Variants in PRRX2 observed in about 807,000 individuals in gnomAD.
PRRX2 encodes the protein paired mesoderm homeobox protein 2.
In PRRX2, 11 loss-of-function variants were observed where a neutral mutation model predicts 18.0. The observed-to-expected ratio is 0.61, with a 90% CI of 0.39 to 1.01. The LOEUF (loss-of-function observed/expected upper bound fraction) is 1.01. Among genes scored for constraint, PRRX2 ranks in the 50% least tolerant of loss-of-function variants. PRRX2 has a pLI of 0.01. For missense variants in PRRX2, 387 were observed against 351.0 expected, an observed-to-expected ratio of 1.10 and a Z score of -0.82; for synonymous variants, 177 against 154.8, an observed-to-expected ratio of 1.14 and a Z score of -1.06.
intron 1 of PRRX2, among the ~76,000 whole-genome samples, chr9:129,712,645 C>G (rs1832640667): frequency 6.6e-6 from 1 of 152,168 alleles, no homozygotes; most frequent in African/African-American, 2.4e-5. Flanking sequence ...AAGGAGGAGA[C>G]AGCGCGAGAC....
chr9:129,720,472 A>T, intron 2 of PRRX2, 124 bp from the exon 3 acceptor site: 1 of 880,486 alleles, frequency 1.1e-6, no homozygotes, highest in Non-Finnish European at 1.7e-6. Flanking sequence ...AGATGAAAAA[A>T]CTGAGGGTCA....
At chr9:129,701,205 C>G (rs1832491472) in intron 1 of PRRX2, among the ~76,000 whole-genome samples, 1 of 152,248 alleles carries the variant, frequency 6.6e-6, no homozygotes, top group African/African-American at 2.4e-5. Context: ...AGATAGGAAA[C>G]AGAGCAGAGG....
chr9:129,720,281 C>A lies in PRRX2; in HGVS notation c.448-315C>A, dbSNP rs2909201. On this transcript the variant is annotated intron_variant, in intron 2 of 3. Coordinates refer to ENST00000372469, the MANE Select transcript of PRRX2 (RefSeq NM_016307.4). ...GAGTGCTCAGCAAGCGCCTCTCCCC[C>A]CGAGTGCTCAGCAAGCGCCTTTCCC... 4.7e-5 allele frequency among the ~76,000 whole-genome samples: 7 copies of A among 148,778 alleles called. No homozygotes were observed. In the South Asian group the frequency reaches 1.1e-3, roughly 23 times the overall value.
chr9:129,720,875 T>C, intron 3 of PRRX2, 101 bp downstream of exon 3: 2 of 1,289,456 alleles, frequency 1.6e-6, no homozygotes, highest in East Asian at 2.8e-5. Context: ...AGAGCTTGAA[T>C]GGTGTCCACG....
Position 129,671,272 on chromosome 9 carries a change from A to G in PRRX2, c.259+5146A>G, listed in dbSNP as rs1226511250. Among the ~76,000 whole-genome samples, 3 of 152,068 alleles carry G rather than the reference A, an allele frequency of 2.0e-5. No individual in the cohort carries two copies. The highest frequency in any genetic ancestry group is 4.4e-5 in the Non-Finnish European group (3 of 67,986). ...TGCCCAGGGGGCCTTCCGTTTGGGA[A>G]CTGCTGGGCCTCCCAGCGTGGCTAG... On this transcript the variant is annotated intron_variant, in intron 1 of 3. Transcript: ENST00000372469. This position sits in a 1 kb window ranked among gnomAD's most constrained non-coding sequence, Gnocchi z 4.0.
chr9:129,706,506 T>G (rs1832559156), intron 1 of PRRX2, among the ~76,000 whole-genome samples: 1 of 151,326 alleles, frequency 6.6e-6, no homozygotes. Context: ...GAGGTTGCAG[T>G]GGGCCAAGTT....
At chr9:129,684,481 A>AAC (rs1832274637) in intron 1 of PRRX2, among the ~76,000 whole-genome samples, 4 of 75,086 alleles carry the variant, frequency 5.3e-5, no homozygotes, top group African/African-American at 1.9e-4. Context: ...GATACCAGAA[A>AAC]TCACACACAC....
chr9:129,694,240 G>A (rs1832394305), intron 1 of PRRX2, among the ~76,000 whole-genome samples: 1 of 152,198 alleles, frequency 6.6e-6, no homozygotes, highest in Non-Finnish European at 1.5e-5. Context: ...CTGGCTCACT[G>A]CAACCTCTGC....
chr9:129,673,421 C>T (rs908569725), intron 1 of PRRX2, among the ~76,000 whole-genome samples: 3 of 152,166 alleles, frequency 2.0e-5, no homozygotes, highest in African/African-American at 7.2e-5. Context: ...TACACCACTG[C>T]ACTCCAGCCT....
At position 129,715,750 on chromosome 9, in the gene PRRX2, T is replaced by TCTCACACA. The variant is rs762929485; in HGVS notation, c.260-3480_260-3479insTCACACAC. ...AAACCCAGCTTCAGGGACATCTTTC[T>TCTCACACA]CACACACACACACACACACACACAC... On this transcript the variant is annotated intron_variant, in intron 1 of 3. Transcript: ENST00000372469. This position sits in a 1 kb window ranked among gnomAD's most constrained non-coding sequence, Gnocchi z 4.0. 2.9e-5 allele frequency among the ~76,000 whole-genome samples: 4 copies of TCTCACACA among 138,952 alleles called. No individual in the cohort carries two copies. Among genetic ancestry groups the TCTCACACA allele is most frequent in the Admixed American group, 7.3e-5 (1 of 13,684 alleles). 91.2% of individuals were successfully genotyped at this position (138,952 alleles called of 152,430 possible).
At chr9:129,699,088 G>A (rs1259652229) in intron 1 of PRRX2, among the ~76,000 whole-genome samples, 1 of 152,218 alleles carries the variant, frequency 6.6e-6, no homozygotes, top group Non-Finnish European at 1.5e-5. Flanking sequence ...CCCTGTGGGA[G>A]GTGATTTCCC....
At chr9:129,696,207 C>T (rs984893566) in intron 1 of PRRX2, among the ~76,000 whole-genome samples, 4 of 152,226 alleles carry the variant, frequency 2.6e-5, no homozygotes, top group South Asian at 4.2e-4. Flanking sequence ...TGTGGGGGGT[C>T]CTAATGCTCA....
At chr9:129,690,079 C>G (rs1832343144) in intron 1 of PRRX2, among the ~76,000 whole-genome samples, 1 of 151,976 alleles carries the variant, frequency 6.6e-6, no homozygotes, top group South Asian at 2.1e-4. Context: ...AAGGCTCCAC[C>G]CTCTACTGCT....
intron 1 of PRRX2, among the ~76,000 whole-genome samples, chr9:129,705,803 C>A (rs527277594): frequency 6.6e-6 from 1 of 151,248 alleles, no homozygotes; most frequent in South Asian, 2.1e-4. Flanking sequence ...TGGCTGGGCA[C>A]GGTGGCTCAT....
In PRRX2 at chr9:129,665,751, G is replaced by C; in HGVS notation, c.-117G>C. 1 of 771,502 alleles carries C rather than the reference G, an allele frequency of 1.3e-6. No individual in the cohort carries two copies. The highest frequency in any genetic ancestry group is 5.9e-5 in the South Asian group (1 of 16,960). 47.8% of individuals were successfully genotyped at this position (771,502 alleles called of 1,614,324 possible). On this transcript the variant is annotated 5_prime_UTR_variant, in exon 1 of 4. Transcript: ENST00000372469. The surrounding 1 kb of genome is among the most constrained non-coding windows in gnomAD (Gnocchi z 5.3). ...CGGGCGGGCCGCGAGGCTAGGAGGC[G>C]GCGGGAGCTGGGCAGAGCGCGGGGC...
Position 129,720,722 on chromosome 9 carries a change from C to T in PRRX2, c.574C>T (p.Pro192Ser). ...CATCGAGCAGCCCGTGGCTCCCCGG[C>T]CCACCGCCCTGAGTCCAGATTATCT... ...AAIEQPVAPRPTALSPDYLSW... is the reference protein window; with the variant it reads ...AAIEQPVAPRSTALSPDYLSW... Residue 192 changes from proline (P) to serine (S), a missense_variant, in exon 3 of 4, where the codon CCC (proline) becomes TCC (serine). Pro to Ser is a moderately conservative substitution (Grantham distance 74). Transcript: ENST00000372469. 6.2e-7 allele frequency: 1 copy of T among 1,612,194 alleles called. No homozygotes were observed. Among genetic ancestry groups the T allele is most frequent in the Non-Finnish European group, 8.5e-7 (1 of 1,179,334 alleles).
chr9:129,687,477 G>A (rs10819557), intron 1 of PRRX2, among the ~76,000 whole-genome samples: 76,386 of 151,936 alleles, frequency 0.5, 19,870 homozygotes, highest in East Asian at 0.59. Flanking sequence ...AGGAGGAGCC[G>A]CGTGCCAGAG....
intron 1 of PRRX2, among the ~76,000 whole-genome samples, chr9:129,677,485 G>GTT (rs1393355068): frequency 6.6e-6 from 1 of 152,190 alleles, no homozygotes; most frequent in East Asian, 1.9e-4. Context: ...AGGAGGGATG[G>GTT]GGGGGTTCCT....
intron 1 of PRRX2, chr9:129,712,860 C>T: frequency 6.6e-6 from 1 of 152,352 alleles, no homozygotes. Context: ...GAGGAGAGGG[C>T]CCCCGTGAAA....
Sources: gnomAD v4.1 joint callset for allele counts (sites outside exome capture counted in the v4.1 genomes callset) on GRCh38, gnomAD v4.1.1 for gene constraint, Gnocchi (gnomAD v3.1) non-coding constraint, MANE v1.5 for transcripts, NCBI Gene and HGNC (gene_info 2026-07-23, HGNC 2026-07-21) for gene names.